The following NRG3 variants were observed in gnomAD, a reference collection of about 807,000 sequenced individuals.
The protein encoded by NRG3 is pro-neuregulin-3, membrane-bound isoform.
A neutral mutation model predicts 66.9 loss-of-function variants in NRG3; 31 were observed. That is an observed-to-expected ratio of 0.46 (90% CI 0.35 to 0.63). The LOEUF (loss-of-function observed/expected upper bound fraction) is 0.63, where lower values mean the gene tolerates loss of function less well. Among genes scored for constraint, NRG3 ranks in the 20% least tolerant of loss-of-function variants. The probability of loss-of-function intolerance (pLI) is 0.00; values close to 1 mark genes in which losing one functional copy is unlikely to be tolerated. For synonymous variants in NRG3, 393 were observed against 359.4 expected, an observed-to-expected ratio of 1.09 and a Z score of -1.06; for missense variants, 910 against 878.9, an observed-to-expected ratio of 1.04 and a Z score of -0.45.
At chr10:82,968,424 T>C (rs1261238697) in intron 6 of NRG3, among the ~76,000 whole-genome samples, 2 of 152,074 alleles carry the variant, frequency 1.3e-5, no homozygotes, top group Non-Finnish European at 2.9e-5. Context: ...ATAATACAAA[T>C]AAAAACAACT....
chr10:82,617,827 G>A (rs1224231358), intron 2 of NRG3, among the ~76,000 whole-genome samples: 1 of 152,120 alleles, frequency 6.6e-6, no homozygotes, highest in Non-Finnish European at 1.5e-5. Context: ...TGACAGCTAC[G>A]GAGCAGCTGT....
intron 1 of NRG3, among the ~76,000 whole-genome samples, chr10:82,083,888 A>T: frequency 6.6e-6 from 1 of 151,444 alleles, no homozygotes; most frequent in Admixed American, 6.6e-5. Flanking sequence ...AAGTGCTGGG[A>T]TTACAGGCCT....
At chr10:82,546,931 G>C (rs1234038860) in intron 2 of NRG3, among the ~76,000 whole-genome samples, 1 of 152,020 alleles carries the variant, frequency 6.6e-6, no homozygotes, top group Non-Finnish European at 1.5e-5. Flanking sequence ...TTGAAAAATA[G>C]GGGGAAAAAA....
intron 1 of NRG3, among the ~76,000 whole-genome samples, chr10:81,919,987 G>A (rs1564657927): frequency 2.0e-5 from 3 of 152,192 alleles, no homozygotes; most frequent in South Asian, 2.1e-4. Flanking sequence ...ACTAATATAC[G>A]AAAAATTAAA....
At chr10:81,982,324 C>A (rs2060358925) in intron 1 of NRG3, among the ~76,000 whole-genome samples, 1 of 152,174 alleles carries the variant, frequency 6.6e-6, no homozygotes, top group Admixed American at 6.5e-5. Flanking sequence ...GAGGCCACAA[C>A]AGAAGCAAGC....
chr10:82,021,439 C>G (rs937045778), intron 1 of NRG3, among the ~76,000 whole-genome samples: 1 of 151,998 alleles, frequency 6.6e-6, no homozygotes, highest in African/African-American at 2.4e-5. Flanking sequence ...CTGGGGAAAT[C>G]AAGTAGAGAG....
intron 1 of NRG3, among the ~76,000 whole-genome samples, chr10:82,129,246 A>G (rs942187651): frequency 6.6e-6 from 1 of 152,144 alleles, no homozygotes; most frequent in African/African-American, 2.4e-5. Context: ...TGTTCTCAAT[A>G]CACAGTATTC....
chr10:82,596,865 G>A (rs532605107), intron 2 of NRG3, among the ~76,000 whole-genome samples: 2 of 152,240 alleles, frequency 1.3e-5, no homozygotes, highest in East Asian at 3.9e-4. Flanking sequence ...AGTGACTTCA[G>A]ATCCCATTGT....
At chr10:82,017,563 A>G (rs2061842650) in intron 1 of NRG3, among the ~76,000 whole-genome samples, 1 of 152,082 alleles carries the variant, frequency 6.6e-6, no homozygotes, top group Admixed American at 6.6e-5. Context: ...CAACAGTGTA[A>G]AAGTGTTCCT....
At position 82,444,250 on chromosome 10, in the gene NRG3, G is replaced by A. The variant is rs528608443; in HGVS notation, c.953+85382G>A. On this transcript the variant is annotated intron_variant, in intron 2 of 8. Coordinates refer to ENST00000372141, the MANE Select transcript of NRG3 (RefSeq NM_001010848.4). ...CCTGAGTAGCAGGGATTACAGGTTCGTGCCACCACGTCCAGCTAATTTTTG... is the reference window on the plus strand; with the variant it reads ...CCTGAGTAGCAGGGATTACAGGTTCATGCCACCACGTCCAGCTAATTTTTG... 1.1e-3 allele frequency among the ~76,000 whole-genome samples: 174 copies of A among 152,108 alleles called. 1 individual carries two copies. The highest frequency in any genetic ancestry group is 2.2e-3 in the Non-Finnish European group (148 of 68,006).
At chr10:82,749,125 G>A (rs886612903) in intron 3 of NRG3, among the ~76,000 whole-genome samples, 1 of 152,098 alleles carries the variant, frequency 6.6e-6, no homozygotes, top group Non-Finnish European at 1.5e-5. Context: ...GTTTTATTTA[G>A]TTTTGTCTTG....
At chr10:82,802,188 G>C (rs2135442263) in intron 3 of NRG3, among the ~76,000 whole-genome samples, 1 of 152,244 alleles carries the variant, frequency 6.6e-6, no homozygotes, top group Admixed American at 6.5e-5. Flanking sequence ...ATGTTTGATT[G>C]GGTGCTAGGA....
intron 2 of NRG3, among the ~76,000 whole-genome samples, chr10:82,410,016 C>G (rs1400963796): frequency 6.6e-6 from 1 of 152,144 alleles, no homozygotes; most frequent in East Asian, 1.9e-4. Context: ...GCATGGTCTT[C>G]TGTGACCCAG....
chr10:82,573,440 A>T (rs1324269724), intron 2 of NRG3, among the ~76,000 whole-genome samples: 1 of 151,772 alleles, frequency 6.6e-6, no homozygotes, highest in Non-Finnish European at 1.5e-5. Context: ...CTGTGCTGTA[A>T]ATGTTTCAAA....
At chr10:82,330,228 G>T (rs2082078022) in intron 1 of NRG3, among the ~76,000 whole-genome samples, 1 of 152,104 alleles carries the variant, frequency 6.6e-6, no homozygotes, top group South Asian at 2.1e-4. Context: ...AGAAAAATTA[G>T]AAGCTTCTGA....
At chr10:82,299,296 A>C (rs1337226070) in intron 1 of NRG3, among the ~76,000 whole-genome samples, 2 of 152,186 alleles carry the variant, frequency 1.3e-5, no homozygotes, top group African/African-American at 4.8e-5. Context: ...TAGTACACCT[A>C]ATCTCTTTTC....
chr10:82,521,885 A>G (rs1590463764), intron 2 of NRG3, among the ~76,000 whole-genome samples: 1 of 150,932 alleles, frequency 6.6e-6, no homozygotes, highest in East Asian at 1.9e-4. Flanking sequence ...AGATGAAGAA[A>G]CCACTTTCTT....
chr10:82,470,458 G>A (rs1341927332), intron 2 of NRG3, among the ~76,000 whole-genome samples: 4 of 152,212 alleles, frequency 2.6e-5, no homozygotes, highest in East Asian at 1.9e-4. Context: ...AAAAGAGAAC[G>A]ATAATTATTT....
intron 1 of NRG3, among the ~76,000 whole-genome samples, chr10:82,215,383 C>T (rs1189988736): frequency 2.0e-5 from 3 of 152,106 alleles, no homozygotes; most frequent in Non-Finnish European, 4.4e-5. Context: ...TCCCAGCATC[C>T]TCTGAAAGTT....
Sources: allele counts gnomAD v4.1 joint callset (sites outside exome capture counted in the v4.1 genomes callset), GRCh38; gene constraint gnomAD v4.1.1; transcripts MANE v1.5; gene names NCBI Gene and HGNC (gene_info 2026-07-23, HGNC 2026-07-21).